The following SPTBN1 variants were observed in gnomAD, a reference collection of about 807,000 sequenced individuals.
The protein encoded by SPTBN1 is spectrin beta chain, non-erythrocytic 1.
Under a neutral mutation model 266.4 loss-of-function variants are expected in SPTBN1, and 32 were observed. The ratio of observed to expected loss-of-function variants is 0.12; its 90% confidence interval spans 0.09 to 0.16. SPTBN1 has a LOEUF of 0.16. Ranked by LOEUF, SPTBN1 falls within the 10% of genes least tolerant of loss-of-function variation. The pLI is 1.00. For missense variants in SPTBN1, 2,296 were observed against 3,067.1 expected (o/e 0.75, Z 5.94); for synonymous variants, 1,336 against 1,162.2 (o/e 1.15, Z -3.04).
At chr2:54,564,910 C>A (rs1673565001) in intron 2 of SPTBN1, among the ~76,000 whole-genome samples, 1 of 152,182 alleles carries the variant, frequency 6.6e-6, no homozygotes, top group Non-Finnish European at 1.5e-5. Context: ...TCTGAATAGT[C>A]TGTCTTACAC....
rs1678332188 is a variant in SPTBN1, at chr2:54,626,375, C to G, written c.1644+141C>G. ...GTACAGCTAGAGAGGAGCCACATCA[C>G]CCATGGGAAGATTGCTAGCTCAGGA... On this transcript the variant is annotated intron_variant, in intron 12 of 35. Coordinates refer to ENST00000356805, the MANE Select transcript of SPTBN1 (RefSeq NM_003128.3). This position sits in a 1 kb window ranked among gnomAD's most constrained non-coding sequence, Gnocchi z 4.7. The G allele has an allele frequency of 9.1e-7, 1 of 1,101,808 alleles. No homozygotes were observed. Among genetic ancestry groups the G allele is most frequent in the Non-Finnish European group, 1.3e-6 (1 of 784,344 alleles). 68.3% of individuals were successfully genotyped at this position (1,101,808 alleles called of 1,614,324 possible).
intron 2 of SPTBN1, among the ~76,000 whole-genome samples, chr2:54,576,068 TTTTTGA>T (rs1313151948): frequency 4.7e-5 from 5 of 106,706 alleles, no homozygotes; most frequent in African/African-American, 2.8e-4. Context: ...TTTTTTTTTT[TTTTTGA>T]GAGACAGTCT....
intron 2 of SPTBN1, among the ~76,000 whole-genome samples, chr2:54,547,894 C>T (rs1672339876): frequency 6.6e-6 from 1 of 152,194 alleles, no homozygotes; most frequent in Non-Finnish European, 1.5e-5. Context: ...CCTGTAATCC[C>T]AGCATTTGGG....
rs1681614407 is a variant in SPTBN1, at chr2:54,669,635, C to G, written c.*1066C>G. On this transcript the variant is annotated 3_prime_UTR_variant, in exon 36 of 36. Transcript: ENST00000356805. ...CTGTACCTCTCAACTTTTGCCCTAT[C>G]TGTTAAATATATGCTATGTCATTAA... 1 of 152,652 alleles carries G rather than the reference C, an allele frequency of 6.6e-6. No homozygotes were observed. Among genetic ancestry groups the G allele is most frequent in the Non-Finnish European group, 1.5e-5 (1 of 68,054 alleles). The allele number at this position is 152,652 out of a possible 1,614,324, so 9.5% of individuals were successfully genotyped here.
Position 54,497,641 on chromosome 2 carries a change from C to T in SPTBN1, c.-47-28731C>T, listed in dbSNP as rs561839667. 5.9e-5 allele frequency among the ~76,000 whole-genome samples: 9 copies of T among 152,246 alleles called. No individual in the cohort carries two copies. In the South Asian group the frequency reaches 6.2e-4, roughly 11 times the overall value. ...TAACTTTTTTGGGAATTGCAGAAAT[C>T]GTAACTCCCCAGGGACAGCTCACCC... On this transcript the variant is annotated intron_variant, in intron 1 of 35. Transcript: ENST00000356805.
At chr2:54,467,671 C>A (rs1693710236) in intron 1 of SPTBN1, among the ~76,000 whole-genome samples, 1 of 152,262 alleles carries the variant, frequency 6.6e-6, no homozygotes, top group Admixed American at 6.5e-5. Context: ...AGGCGTGAGC[C>A]ACCGCGCCTG....
intron 1 of SPTBN1, among the ~76,000 whole-genome samples, chr2:54,511,903 A>G (rs1669875076): frequency 6.6e-6 from 1 of 152,056 alleles, no homozygotes; most frequent in Non-Finnish European, 1.5e-5. Flanking sequence ...TCTACAACTC[A>G]CCATGATATA....
At chr2:54,572,433 T>C (rs1674152432) in intron 2 of SPTBN1, among the ~76,000 whole-genome samples, 1 of 152,196 alleles carries the variant, frequency 6.6e-6, no homozygotes, top group Non-Finnish European at 1.5e-5. Flanking sequence ...GCGAGTGTCT[T>C]TGTTTACAGA....
chr2:54,598,992 G>T, intron 2 of SPTBN1, 100 bp from the exon 3 acceptor site: 14 of 1,408,754 alleles, frequency 9.9e-6, no homozygotes, highest in Non-Finnish European at 1.4e-5. Flanking sequence ...GGTCAGTTTT[G>T]CTGACCTTCC....
intron 1 of SPTBN1, among the ~76,000 whole-genome samples, chr2:54,517,968 T>G (rs1670210205): frequency 1.3e-5 from 2 of 149,286 alleles, no homozygotes; most frequent in Admixed American, 6.7e-5. Flanking sequence ...TTTTAAACAG[T>G]GGATATGTTT....
chr2:54,567,104 C>T (rs1480013735), intron 2 of SPTBN1, among the ~76,000 whole-genome samples: 2 of 152,184 alleles, frequency 1.3e-5, no homozygotes, highest in Non-Finnish European at 1.5e-5. Flanking sequence ...GCTGGGAATG[C>T]TGGCTAAGCC....
chr2:54,556,055 C>A (rs1210472114), intron 2 of SPTBN1, among the ~76,000 whole-genome samples: 1 of 152,240 alleles, frequency 6.6e-6, no homozygotes, highest in Non-Finnish European at 1.5e-5. Context: ...TCTAAAACAC[C>A]TGGCAGTGTG....
Position 54,593,823 on chromosome 2 carries a change from C to CTTTTTTTTTTTTTTT in SPTBN1, c.149-5256_149-5242dup, listed in dbSNP as rs374877354. ...TTCTAAGTCTTGTATCATGGAAACA[C>CTTTTTTTTTTTTTTT]TTTTTTTTTTTTTTTTTTTTTTTTT... On this transcript the variant is annotated intron_variant, in intron 2 of 35. Transcript: ENST00000356805. Among the ~76,000 whole-genome samples the CTTTTTTTTTTTTTTT allele has an allele frequency of 9.3e-5, 6 of 64,780 alleles. 2 individuals carry two copies. The highest frequency in any genetic ancestry group is 1.3e-4 in the Non-Finnish European group (5 of 37,272). The allele number at this position is 64,780 out of a possible 152,430, so 42.5% of individuals were successfully genotyped here. A position where few individuals can be genotyped will look rare whatever the true frequency, so the allele number is the denominator to read the frequency against.
In SPTBN1 at chr2:54,670,319, C is replaced by A; in HGVS notation, c.*1750C>A. 1.8e-5 allele frequency: 3 copies of A among 164,028 alleles called. No homozygotes were observed. The highest frequency in any genetic ancestry group is 3.9e-5 in the Non-Finnish European group (3 of 76,132). The allele number at this position is 164,028 out of a possible 1,614,324, so 10.2% of individuals were successfully genotyped here. A position where few individuals can be genotyped will look rare whatever the true frequency, so the allele number is the denominator to read the frequency against. Reference sequence around the variant, plus strand: ...AAGTGACATACTTTTCCTGGGTTATCTGGGTATGTTGACTCCATGCCACTT... The same window carrying A: ...AAGTGACATACTTTTCCTGGGTTATATGGGTATGTTGACTCCATGCCACTT... On this transcript the variant is annotated 3_prime_UTR_variant, in exon 36 of 36. Coordinates refer to ENST00000356805, the MANE Select transcript of SPTBN1 (RefSeq NM_003128.3).
chr2:54,661,337 T>C (rs1485541455), intron 32 of SPTBN1: 3 of 985,864 alleles, frequency 3.0e-6, no homozygotes, highest in Non-Finnish European at 3.6e-6. Context: ...ATTCACTTGC[T>C]CTTTTGCCAT....
At position 54,629,412 on chromosome 2, in the gene SPTBN1, A is replaced by G; in HGVS notation, c.2278A>G (p.Met760Val). 1 of 1,614,154 alleles carries G rather than the reference A, an allele frequency of 6.2e-7. No homozygotes were observed. Among genetic ancestry groups the G allele is most frequent in the East Asian group, 2.2e-5 (1 of 44,888 alleles). Residue 760 changes from methionine (M) to valine (V), a missense_variant, in exon 14 of 36, where the codon ATG becomes GTG. Met to Val is a conservative substitution (Grantham distance 21). Around this residue, in one of 12 missense-constraint regions of SPTBN1, gnomAD observed 434 missense variants for 573.9 expected, o/e 0.76. Coordinates refer to ENST00000356805, the MANE Select transcript of SPTBN1 (RefSeq NM_003128.3). ...QADADDIDAW[M>V]LDILKIVSSS... is the part of the protein sequence containing the mutation. ...AGATGCTGATGACATTGATGCCTGG[A>G]TGCTGGACATCCTCAAGATTGTCTC...
At chr2:54,658,128 C>T in intron 30 of SPTBN1, 82 bp downstream of exon 30, 2 of 1,525,200 alleles carry the variant, frequency 1.3e-6, no homozygotes, top group Non-Finnish European at 1.8e-6. Context: ...AGGGAATTCA[C>T]ACGATTGCTT....
chr2:54,563,593 C>CTTTTTTTT lies in SPTBN1; in HGVS notation c.149-35478_149-35471dup, dbSNP rs750173696. 1.6e-4 allele frequency among the ~76,000 whole-genome samples: 10 copies of CTTTTTTTT among 64,440 alleles called. 1 individual carries two copies. The highest frequency in any genetic ancestry group is 1.9e-4 in the Non-Finnish European group (7 of 37,618). 42.3% of individuals were successfully genotyped at this position (64,440 alleles called of 152,430 possible). On this transcript the variant is annotated intron_variant, in intron 2 of 35. Transcript: ENST00000356805. Reference sequence around the variant, plus strand: ...CTCTGAATCATGAAGAAAATTTATTCTTTTTTTTTTTTTTTTTTTTTTTTT... The same window carrying CTTTTTTTT: ...CTCTGAATCATGAAGAAAATTTATTCTTTTTTTTTTTTTTTTTTTTTTTTTTTTTTTTT...
intron 26 of SPTBN1, among the ~76,000 whole-genome samples, chr2:54,650,219 T>A (rs1680182938): frequency 6.6e-6 from 1 of 151,878 alleles, no homozygotes; most frequent in South Asian, 2.1e-4. Flanking sequence ...ATGATTAAAA[T>A]AAATAAACCA....
Sources: gnomAD v4.1 joint callset for allele counts (sites outside exome capture counted in the v4.1 genomes callset) on GRCh38, gnomAD v4.1.1 for gene constraint, gnomAD v4.1.1 regional missense constraint, Gnocchi (gnomAD v3.1) non-coding constraint, MANE v1.5 for transcripts, NCBI Gene and HGNC (gene_info 2026-07-23, HGNC 2026-07-21) for gene names.